CAST: variants seen among roughly 807,000 people sequenced by gnomAD.
CAST encodes MIR583 host.
In CAST, 76 loss-of-function variants were observed where a neutral mutation model predicts 119.6. The ratio of observed to expected loss-of-function variants is 0.64; its 90% CI spans 0.53 to 0.77. The LOEUF (loss-of-function observed/expected upper bound fraction) is 0.77, where lower values mean the gene tolerates loss of function less well. Among genes scored for constraint, CAST ranks in the 30% least tolerant of loss-of-function variants. The probability of loss-of-function intolerance (pLI) is 0.00; values close to 1 mark genes in which losing one functional copy is unlikely to be tolerated. For missense variants in CAST, 953 were observed against 946.5 expected (o/e 1.01, Z -0.09); for synonymous variants, 319 against 331.6 (o/e 0.96, Z 0.41).
At chr5:96,176,474 TCTAGGGG>T in the CAST span, among the ~76,000 whole-genome samples, 7 of 152,292 alleles carry the variant, frequency 4.6e-5, no homozygotes, top group Non-Finnish European at 8.8e-5. Flanking sequence ...CTGTCTACAT[TCTAGGGG>T]GCAAGGTAGA....
chr5:96,095,086 C>G, the CAST span, among the ~76,000 whole-genome samples: 2 of 152,132 alleles, frequency 1.3e-5, no homozygotes, highest in Admixed American at 1.3e-4. Context: ...GGTCATTGTG[C>G]AAGAAAAGGG....
chr5:96,256,378 T>G, the CAST span, among the ~76,000 whole-genome samples: 1 of 148,742 alleles, frequency 6.7e-6, no homozygotes, highest in Non-Finnish European at 1.5e-5. Context: ...GTAATATATA[T>G]ATATACTATA....
chr5:96,098,814 T>C, the CAST span, among the ~76,000 whole-genome samples: 1 of 152,206 alleles, frequency 6.6e-6, no homozygotes, highest in Non-Finnish European at 1.5e-5. Flanking sequence ...CAGTTCTTTT[T>C]TGGTTCCATA....
chr5:96,741,180 T>C (rs1762586476), intron 13 of CAST, 86 bp from the exon 14 acceptor site: 2 of 755,324 alleles, frequency 2.6e-6, no homozygotes, highest in South Asian at 1.5e-5. Flanking sequence ...ATTGGAAAAG[T>C]GCATTCTTCA....
the CAST span, among the ~76,000 whole-genome samples, chr5:96,090,666 A>G: frequency 6.6e-6 from 1 of 152,062 alleles, no homozygotes; most frequent in Non-Finnish European, 1.5e-5. Context: ...ATTAAAAATC[A>G]TGTCTGTGTT....
At chr5:95,987,400 C>T in the CAST span, among the ~76,000 whole-genome samples, 2 of 152,034 alleles carry the variant, frequency 1.3e-5, no homozygotes, top group African/African-American at 4.8e-5. Flanking sequence ...GAATAGGGGG[C>T]GTCAGTCAAC....
the CAST span, among the ~76,000 whole-genome samples, chr5:96,093,848 C>G: frequency 2.6e-5 from 4 of 152,156 alleles, no homozygotes; most frequent in Admixed American, 2.6e-4. Flanking sequence ...AGAGAAGAAA[C>G]TATTCAAAGT....
chr5:96,085,068 G>A, the CAST span, among the ~76,000 whole-genome samples: 1 of 152,130 alleles, frequency 6.6e-6, no homozygotes, highest in Non-Finnish European at 1.5e-5. Context: ...AGACACCTGA[G>A]CCTGTACTTA....
At chr5:96,524,481 G>A (rs1446023105), upstream of CAST, among the ~76,000 whole-genome samples, 2 of 152,316 alleles carry the variant, frequency 1.3e-5, no homozygotes, top group Admixed American at 6.5e-5. Flanking sequence ...GCAGGGAGTG[G>A]AGACCAGGGC....
chr5:96,770,387 A>C, intron 29 of CAST, 144 bp from the exon 30 acceptor site: 1 of 595,566 alleles, frequency 1.7e-6, no homozygotes, highest in Non-Finnish European at 3.0e-6. Flanking sequence ...TGTTCAAAAA[A>C]AATCATGAAA....
chr5:96,325,126 C>T, the CAST span, among the ~76,000 whole-genome samples: 1 of 151,976 alleles, frequency 6.6e-6, no homozygotes, highest in East Asian at 1.9e-4. Flanking sequence ...AATTCTTGGG[C>T]CCGGGAGGTA....
At chr5:96,093,021 C>T in the CAST span, among the ~76,000 whole-genome samples, 1 of 152,142 alleles carries the variant, frequency 6.6e-6, no homozygotes, top group Non-Finnish European at 1.5e-5. Context: ...TTTATTGACA[C>T]ATATTCAGAT....
At chr5:96,295,863 G>A in the CAST span, among the ~76,000 whole-genome samples, 1 of 151,834 alleles carries the variant, frequency 6.6e-6, no homozygotes, top group Non-Finnish European at 1.5e-5. Context: ...GTGTACAAAG[G>A]GCATCATGTA....
chr5:96,740,784 G>A lies in CAST; in HGVS notation c.918+1G>A, dbSNP rs1255452318. 2.5e-6 allele frequency: 4 copies of A among 1,574,704 alleles called. No individual in the cohort carries two copies. The highest frequency in any genetic ancestry group is 2.2e-5 in the East Asian group (1 of 44,758). ...CACAGGGCCTCCTGCAGACTCTTCG[G>A]TGAGTTTACATACATGTCTTCTGAT... On this transcript the variant is annotated splice_donor_variant, in intron 13 of 31. Coordinates refer to ENST00000675179, the MANE Select transcript of CAST (RefSeq NM_001750.7). LOFTEE classifies it high-confidence loss of function.
the CAST span, among the ~76,000 whole-genome samples, chr5:96,200,172 C>T: frequency 6.6e-6 from 1 of 152,102 alleles, no homozygotes; most frequent in African/African-American, 2.4e-5. Flanking sequence ...ACCTGTACCC[C>T]AAATCACCCA....
At chr5:96,043,210 C>T in the CAST span, among the ~76,000 whole-genome samples, 1 of 152,096 alleles carries the variant, frequency 6.6e-6, no homozygotes. Flanking sequence ...TCAAAATCAA[C>T]TATGTTCTTC....
chr5:96,413,963 CAAAAAAAAAAAAA>C, the CAST span, among the ~76,000 whole-genome samples: 2 of 22,436 alleles, frequency 8.9e-5, no homozygotes, highest in Non-Finnish European at 2.6e-4. Flanking sequence ...ACTAAAAATA[CAAAAAAAAAAAAA>C]AAAAAAAAAA....
At chr5:96,574,452 T>TA (rs1199147164) in intron 1 of CAST, among the ~76,000 whole-genome samples, 1 of 152,224 alleles carries the variant, frequency 6.6e-6, no homozygotes, top group Admixed American at 6.5e-5. Context: ...TTATTGAACA[T>TA]ACGGTCTGCT....
chr5:96,148,188 G>A, the CAST span, among the ~76,000 whole-genome samples: 1 of 152,138 alleles, frequency 6.6e-6, no homozygotes, highest in Non-Finnish European at 1.5e-5. Context: ...AACATGCTAT[G>A]TACCCAGTCT....
Sources: gnomAD v4.1 joint callset for allele counts (sites outside exome capture counted in the v4.1 genomes callset) on GRCh38, gnomAD v4.1.1 for gene constraint, MANE v1.5 for transcripts, NCBI Gene and HGNC (gene_info 2026-07-23, HGNC 2026-07-21) for gene names.